Variants in MYO1H observed in about 807,000 individuals in gnomAD.
MYO1H encodes the protein myosin IH, also known as unconventional myosin-Ih.
MYO1H carries 118 observed loss-of-function variants against 149.3 expected under a neutral mutation model. That is an observed-to-expected ratio of 0.79 (90% CI 0.68 to 0.92). MYO1H has a LOEUF of 0.92. MYO1H is among the 40% of genes least tolerant of loss of function. The pLI is 0.00. For synonymous variants in MYO1H, 447 were observed against 465.2 expected (o/e 0.96, Z 0.50); for missense variants, 1,212 against 1,280.7 (o/e 0.95, Z 0.82).
intron 28 of MYO1H, 87 bp downstream of exon 28, chr12:109,443,736 C>T: frequency 6.7e-7 from 1 of 1,503,028 alleles, no homozygotes; most frequent in Non-Finnish European, 9.1e-7. Context: ...ATGGGAAACA[C>T]AAGTGTAGGG....
chr12:109,439,474 T>C (rs1419159860), intron 23 of MYO1H, 157 bp from the exon 24 acceptor site: 1 of 318,054 alleles, frequency 3.1e-6, no homozygotes, highest in African/African-American at 3.0e-5. Flanking sequence ...GTGGGTGAAA[T>C]CGAACATATA....
At chr12:109,340,221 G>A in the MYO1H span, among the ~76,000 whole-genome samples, 2 of 152,060 alleles carry the variant, frequency 1.3e-5, no homozygotes, top group African/African-American at 4.8e-5. Context: ...TGTTGCCCAG[G>A]CTGGAGTGCA....
At chr12:109,414,567 T>C (rs930356) in intron 14 of MYO1H, among the ~76,000 whole-genome samples, 50,482 of 151,678 alleles carry the variant, frequency 0.33, 8,622 homozygotes, top group Admixed American at 0.4. Context: ...CTCTCAACAT[T>C]ATAAAAATAT....
chr12:109,360,277 A>G (rs1403871694), intron 1 of MYO1H, among the ~76,000 whole-genome samples: 2 of 152,026 alleles, frequency 1.3e-5, no homozygotes, highest in African/African-American at 4.8e-5. Flanking sequence ...AAATACTGAG[A>G]CCCTTGAGTT....
chr12:109,436,456 C>A lies in MYO1H; in HGVS notation c.2141-32C>A, dbSNP rs371111604. The A allele has an allele frequency of 4.6e-5, 72 of 1,550,424 alleles. No individual in the cohort carries two copies. In the South Asian group the frequency reaches 7.4e-4, roughly 16 times the overall value. On this transcript the variant is annotated intron_variant, in intron 21 of 31. Transcript: ENST00000310903. ...ACCACAAAGATGCGCAAATGCAAAG[C>A]CATTTCACCAAAACGTCTGTTTTAT...
chr12:109,337,078 T>C, the MYO1H span, among the ~76,000 whole-genome samples: 1 of 152,014 alleles, frequency 6.6e-6, no homozygotes, highest in South Asian at 2.1e-4. Flanking sequence ...TGGAACACAG[T>C]CGTTGGAGGG....
chr12:109,318,972 G>GTTTTTGTTTTTTTTTT, the MYO1H span, among the ~76,000 whole-genome samples: 1 of 77,256 alleles, frequency 1.3e-5, no homozygotes, highest in African/African-American at 4.7e-5. Context: ...TTTTGGTTTT[G>GTTTTTGTTTTTTTTTT]TTTTTTTTTT....
chr12:109,415,739 C>T (rs1789157636), intron 15 of MYO1H, 119 bp downstream of exon 15: 3 of 559,086 alleles, frequency 5.4e-6, no homozygotes, highest in Non-Finnish European at 8.7e-6. Context: ...CCTAACCTCG[C>T]GTTCAAGCCA....
chr12:109,405,963 C>T, exon 8 of MYO1H: 1 of 1,613,728 alleles, frequency 6.2e-7, no homozygotes, highest in Non-Finnish European at 8.5e-7. Flanking sequence ...ACCTGGGGAA[C>T]ATTGGTTTTG....
chr12:109,366,552 G>T (rs982831453), intron 1 of MYO1H, among the ~76,000 whole-genome samples: 1 of 152,190 alleles, frequency 6.6e-6, no homozygotes, highest in Non-Finnish European at 1.5e-5. Flanking sequence ...GTACTCAGGT[G>T]CCTCTTTCTG....
At position 109,440,838 on chromosome 12, in the gene MYO1H, G is replaced by C. The variant is rs369429576; in HGVS notation, c.2538+11G>C. On this transcript the variant is annotated intron_variant, in intron 25 of 31. Coordinates refer to ENST00000310903, the Ensembl canonical transcript of MYO1H. ...GAGCGGAAAGCAATGGTAGGGACAT[G>C]ATGTCTGCGGTGGCCGGTGGTGGGG... is the stretch of plus-strand genomic sequence containing the variant. The C allele has an allele frequency of 5.6e-6, 8 of 1,426,496 alleles. No homozygotes were observed. The Admixed American group carries it at 7.8e-5, about 14-fold the overall frequency. 88.4% of individuals were successfully genotyped at this position (1,426,496 alleles called of 1,614,324 possible).
At chr12:109,333,540 C>T in the MYO1H span, among the ~76,000 whole-genome samples, 2 of 152,060 alleles carry the variant, frequency 1.3e-5, no homozygotes, top group East Asian at 3.9e-4. Context: ...TTATTTGTCT[C>T]TAAGAGATGA....
chr12:109,430,031 C>G (rs1315681440), intron 19 of MYO1H, among the ~76,000 whole-genome samples: 1 of 152,196 alleles, frequency 6.6e-6, no homozygotes, highest in Non-Finnish European at 1.5e-5. Context: ...AGTGCTCCAC[C>G]CTTGTGACCT....
At chr12:109,411,734 C>T (rs138869561) in intron 13 of MYO1H, among the ~76,000 whole-genome samples, 160 bp from the exon 14 acceptor site, 126 of 129,498 alleles carry the variant, frequency 9.7e-4, no homozygotes, top group African/African-American at 3.9e-3. Context: ...AAGCCAAACA[C>T]ATGGATTAAG....
intron 1 of MYO1H, among the ~76,000 whole-genome samples, chr12:109,362,113 C>A (rs1210011281): frequency 6.6e-6 from 1 of 152,228 alleles, no homozygotes; most frequent in African/African-American, 2.4e-5. Context: ...TATTGCTCAG[C>A]CACCCAAAGG....
At chr12:109,356,763 T>G (rs919178032) in intron 1 of MYO1H, among the ~76,000 whole-genome samples, 1 of 152,208 alleles carries the variant, frequency 6.6e-6, no homozygotes. Context: ...TATTCATAAT[T>G]ATACGCATTC....
At chr12:109,341,198 A>G in the MYO1H span, among the ~76,000 whole-genome samples, 1 of 147,702 alleles carries the variant, frequency 6.8e-6, no homozygotes, top group African/African-American at 2.5e-5. Flanking sequence ...CGAAAAAAAA[A>G]AAAAAAAAGC....
At chr12:109,356,780 G>A (rs748924282) in intron 1 of MYO1H, among the ~76,000 whole-genome samples, 7 of 152,166 alleles carry the variant, frequency 4.6e-5, no homozygotes, top group Non-Finnish European at 1.0e-4. Context: ...ATTCAGTGGT[G>A]ATTAAGAGGC....
At chr12:109,387,640 T>C (rs1485747294) in intron 1 of MYO1H, among the ~76,000 whole-genome samples, 1 of 152,256 alleles carries the variant, frequency 6.6e-6, no homozygotes, top group Non-Finnish European at 1.5e-5. Flanking sequence ...TTTCAGACTG[T>C]ACATTCTGCT....
Sources: gnomAD v4.1 joint callset for allele counts (sites outside exome capture counted in the v4.1 genomes callset) on GRCh38, gnomAD v4.1.1 for gene constraint, MANE v1.5 for transcripts, NCBI Gene and HGNC (gene_info 2026-07-23, HGNC 2026-07-21) for gene names.